WDR64: variants seen among roughly 807,000 people sequenced by gnomAD.
WDR64 encodes WD repeat-containing protein 64.
Under a neutral mutation model 139.3 loss-of-function variants are expected in WDR64, and 112 were observed. That is an observed-to-expected ratio of 0.80 (90% CI 0.69 to 0.94). The LOEUF is 0.94. WDR64 is among the 40% of genes least tolerant of loss of function. WDR64 has a pLI of 0.00. For missense variants in WDR64, 1,206 were observed against 1,293.1 expected (o/e 0.93, Z 1.03); for synonymous variants, 444 against 437.7 (o/e 1.01, Z -0.18).
At chr1:241,763,665 A>G (rs543044470) in intron 15 of WDR64, among the ~76,000 whole-genome samples, 11 of 152,356 alleles carry the variant, frequency 7.2e-5, no homozygotes, top group African/African-American at 2.6e-4. Context: ...AGATCATGCC[A>G]TTGCACTCCA....
intron 10 of WDR64, among the ~76,000 whole-genome samples, chr1:241,730,449 G>A (rs1015336526): frequency 8.5e-5 from 13 of 152,102 alleles, no homozygotes; most frequent in East Asian, 1.9e-4. Context: ...TTTTTATTGC[G>A]TTTCTGAGTG....
At chr1:241,735,026 T>C (rs1328594507) in intron 10 of WDR64, among the ~76,000 whole-genome samples, 1 of 152,224 alleles carries the variant, frequency 6.6e-6, no homozygotes, top group Non-Finnish European at 1.5e-5. Context: ...GCAACGAAAG[T>C]TGTTTAAAGA....
chr1:241,764,028 A>T (rs190074082), intron 15 of WDR64, among the ~76,000 whole-genome samples: 4 of 152,260 alleles, frequency 2.6e-5, no homozygotes, highest in Admixed American at 2.6e-4. Context: ...TCTCAAGTGG[A>T]AGAGGTAATG....
intron 15 of WDR64, among the ~76,000 whole-genome samples, chr1:241,763,428 G>A (rs982424445): frequency 3.3e-5 from 5 of 151,980 alleles, no homozygotes; most frequent in Non-Finnish European, 5.9e-5. Flanking sequence ...TGCAAAAGTC[G>A]GCCAGGCACA....
Position 241,790,633 on chromosome 1 carries a change from A to G in WDR64, c.2934A>G (p.Thr978=). The G allele has an allele frequency of 6.2e-7, 1 of 1,609,962 alleles. No individual in the cohort carries two copies. The highest frequency in any genetic ancestry group is 8.5e-7 in the Non-Finnish European group (1 of 1,179,178). The part of the protein sequence containing the change: ...MSSVSLLFKR[T]PPKAFEVEQD... The stretch of plus-strand genomic sequence containing the variant: ...CAGTGTCTCTACTTTTCAAACGCAC[A>G]CCTCCCAAGGCCTTTGAAGTGGAAC... The change falls in exon 25 of 28, where the codon ACA becomes ACG. Residue 978 remains threonine (T), a synonymous_variant. Transcript: ENST00000437684.
chr1:241,686,077 T>C, intron 7 of WDR64, among the ~76,000 whole-genome samples: 1 of 152,222 alleles, frequency 6.6e-6, no homozygotes, highest in Non-Finnish European at 1.5e-5. Flanking sequence ...TTGTGGTTAT[T>C]ATATTCATGT....
chr1:241,764,364 T>G (rs1658052934), intron 15 of WDR64, among the ~76,000 whole-genome samples: 1 of 151,940 alleles, frequency 6.6e-6, no homozygotes, highest in Middle Eastern at 3.2e-3. Flanking sequence ...TTAAAAGATA[T>G]AAGGATGACC....
At chr1:241,732,321 CTATT>C (rs1382052746) in intron 10 of WDR64, among the ~76,000 whole-genome samples, 3 of 144,420 alleles carry the variant, frequency 2.1e-5, no homozygotes, top group Admixed American at 6.9e-5. Flanking sequence ...ATCTATCTAT[CTATT>C]TGTCATCTAT....
At chr1:241,794,945 T>C (rs1051938056) in intron 25 of WDR64, among the ~76,000 whole-genome samples, 4 of 152,252 alleles carry the variant, frequency 2.6e-5, no homozygotes, top group Non-Finnish European at 5.9e-5. Flanking sequence ...TTTTCAATTA[T>C]GTAATATTTA....
chr1:241,714,596 T>A (rs1404283945), intron 9 of WDR64, among the ~76,000 whole-genome samples: 1 of 152,220 alleles, frequency 6.6e-6, no homozygotes, highest in African/African-American at 2.4e-5. Context: ...AAGTTAATTT[T>A]TTTTTCAAGT....
chr1:241,754,114 C>T (rs187647955), intron 14 of WDR64, among the ~76,000 whole-genome samples: 190 of 151,838 alleles, frequency 1.3e-3, no homozygotes, highest in African/African-American at 4.3e-3. Flanking sequence ...CCAGATGGCT[C>T]GCAGACACAT....
chr1:241,674,261 C>CT (rs553930996), intron 3 of WDR64, among the ~76,000 whole-genome samples: 8,204 of 133,442 alleles, frequency 0.061, 482 homozygotes, highest in African/African-American at 0.1. Context: ...TTTTTCTTTT[C>CT]TTTTTTTTTT....
At chr1:241,797,745 G>A (rs1429470027) in intron 27 of WDR64, among the ~76,000 whole-genome samples, 2 of 151,608 alleles carry the variant, frequency 1.3e-5, no homozygotes, top group African/African-American at 4.8e-5. Flanking sequence ...TGTAACTGAT[G>A]AAACACAGTT....
chr1:241,735,532 T>TC (rs1200461285), intron 10 of WDR64, among the ~76,000 whole-genome samples: 1 of 78,888 alleles, frequency 1.3e-5, no homozygotes, highest in African/African-American at 5.2e-5. Flanking sequence ...TCTCTCTCTC[T>TC]CTTTTTTTTT....
chr1:241,791,563 T>C (rs1357452564), intron 25 of WDR64, among the ~76,000 whole-genome samples: 1 of 152,032 alleles, frequency 6.6e-6, no homozygotes, highest in African/African-American at 2.4e-5. Context: ...TCCTAGCTAG[T>C]TGGGAGGCTG....
chr1:241,673,104 G>T (rs1027123866), intron 3 of WDR64, among the ~76,000 whole-genome samples: 1 of 151,246 alleles, frequency 6.6e-6, no homozygotes, highest in African/African-American at 2.4e-5. Context: ...ACCAAACACC[G>T]CATGTTCTCA....
chr1:241,690,761 G>T (rs564227278), intron 8 of WDR64, among the ~76,000 whole-genome samples: 2 of 152,038 alleles, frequency 1.3e-5, no homozygotes, highest in East Asian at 3.9e-4. Context: ...CAGAGAGAAA[G>T]AAAAGCCGTA....
At chr1:241,772,330 G>GA (rs35285628) in intron 19 of WDR64, among the ~76,000 whole-genome samples, 81,401 of 128,600 alleles carry the variant, frequency 0.63, 25,436 homozygotes, top group Middle Eastern at 0.74. Context: ...TTCTCTGGGT[G>GA]AAAAAAAAAA....
intron 21 of WDR64, among the ~76,000 whole-genome samples, chr1:241,778,301 G>C (rs544178621): frequency 5.9e-5 from 9 of 152,256 alleles, no homozygotes; most frequent in African/African-American, 2.2e-4. Flanking sequence ...TGCTCTGTCT[G>C]AAATTAATAC....
Sources: allele counts gnomAD v4.1 joint callset (sites outside exome capture counted in the v4.1 genomes callset), GRCh38; gene constraint gnomAD v4.1.1; transcripts MANE v1.5; gene names NCBI Gene and HGNC (gene_info 2026-07-23, HGNC 2026-07-21).